Variants in TAF3 observed in about 807,000 individuals in gnomAD.
TAF3 encodes the protein TATA-box binding protein associated factor 3.
In TAF3, 7 loss-of-function variants were observed where a neutral mutation model predicts 80.6. The ratio of observed to expected loss-of-function variants is 0.09; its 90% CI spans 0.05 to 0.16. The LOEUF is 0.16. TAF3 is among the 10% of genes least tolerant of loss of function. TAF3 has a pLI of 1.00. For synonymous variants in TAF3, 444 were observed against 446.1 expected (o/e 1.00, Z 0.06); for missense variants, 921 against 1,140.2 (o/e 0.81, Z 2.77).
intron 2 of TAF3, among the ~76,000 whole-genome samples, chr10:7,850,708 C>T (rs974850982): frequency 3.3e-5 from 5 of 151,486 alleles, no homozygotes; most frequent in Non-Finnish European, 7.4e-5. Context: ...TATATATATA[C>T]ACACACATAC....
intron 2 of TAF3, among the ~76,000 whole-genome samples, chr10:7,961,336 A>ATG (rs1838188011): frequency 6.6e-6 from 1 of 152,166 alleles, no homozygotes; most frequent in African/African-American, 2.4e-5. Context: ...GATGTTCTTT[A>ATG]TGATTTACTA....
chr10:7,940,961 A>G (rs1837970541), intron 2 of TAF3, among the ~76,000 whole-genome samples: 1 of 152,126 alleles, frequency 6.6e-6, no homozygotes, highest in African/African-American at 2.4e-5. Flanking sequence ...CCTGTCTCAA[A>G]AAAGAAAAAA....
chr10:7,820,256 T>C (rs1380545691), intron 1 of TAF3, among the ~76,000 whole-genome samples: 2 of 152,234 alleles, frequency 1.3e-5, no homozygotes, highest in Non-Finnish European at 2.9e-5. Flanking sequence ...ATTTCTTTTA[T>C]ATTATTTGTC....
Position 8,000,359 on chromosome 10 carries a change from C to T in TAF3, c.2316-8719C>T, listed in dbSNP as rs113671562. 7.2e-3 allele frequency among the ~76,000 whole-genome samples: 1,101 copies of T among 152,198 alleles called. 16 individuals carry two copies. The highest frequency in any genetic ancestry group is 0.025 in the African/African-American group (1,048 of 41,532). On this transcript the variant is annotated intron_variant, in intron 4 of 6. Transcript: ENST00000344293. ...CTCGAACTCCCAACCTCAGGTGATC[C>T]GCCTGTGTTGGCCTCCCAAAGTGCT...
At chr10:7,936,558 T>C (rs926232153) in intron 2 of TAF3, among the ~76,000 whole-genome samples, 1 of 151,912 alleles carries the variant, frequency 6.6e-6, no homozygotes, top group Admixed American at 6.6e-5. Context: ...CCCAGTAAAA[T>C]TGAACAGAAA....
In TAF3 at chr10:7,977,399, A is replaced by G. The variant is rs1831683933; in HGVS notation, c.2315+76A>G. The G allele has an allele frequency of 3.5e-6, 5 of 1,412,622 alleles. No individual in the cohort carries two copies. The South Asian group carries it at 6.0e-5, about 17-fold the overall frequency. 87.5% of individuals were successfully genotyped at this position (1,412,622 alleles called of 1,614,324 possible). ...TCTACTCTTTCCTAAGGGACTTAGA[A>G]TTCCACAAGCTTCTCCCAGGTATGA... On this transcript the variant is annotated intron_variant, in intron 4 of 6. Transcript: ENST00000344293.
At position 7,829,068 on chromosome 10, in the gene TAF3, C is replaced by T. The variant is rs1031693100; in HGVS notation, c.409+4508C>T. Reference sequence around the variant, plus strand: ...AAAAAAAAAAAAAAAGGAATATAAACCATGTACCCTGACTTATTGCAGGAA... The same window carrying T: ...AAAAAAAAAAAAAAAGGAATATAAATCATGTACCCTGACTTATTGCAGGAA... On this transcript the variant is annotated intron_variant, in intron 2 of 6. Transcript: ENST00000344293. Among the ~76,000 whole-genome samples, 7 of 141,624 alleles carry T rather than the reference C, an allele frequency of 4.9e-5. No individual in the cohort carries two copies. The East Asian group carries it at 1.4e-3, about 29-fold the overall frequency. The allele number at this position is 141,624 out of a possible 152,430, so 92.9% of individuals were successfully genotyped here.
At chr10:7,839,984 A>G (rs1453999855) in intron 2 of TAF3, among the ~76,000 whole-genome samples, 1 of 152,230 alleles carries the variant, frequency 6.6e-6, no homozygotes, top group East Asian at 1.9e-4. Context: ...TGCCTTTCAA[A>G]AAGGTTTTTC....
chr10:7,824,613 A>T (rs1244472), intron 2 of TAF3, 53 bp downstream of exon 2: 570,157 of 1,576,782 alleles, frequency 0.36, 104,007 homozygotes, highest in South Asian at 0.43. Flanking sequence ...TGGATTTTTA[A>T]TCCTCTTAGC....
chr10:7,988,121 AAC>A (rs1269067333), intron 4 of TAF3, among the ~76,000 whole-genome samples: 1 of 152,148 alleles, frequency 6.6e-6, no homozygotes, highest in Non-Finnish European at 1.5e-5. Context: ...AATTTTTAAA[AAC>A]AGTTTTTAAG....
rs1832032260 is a variant in TAF3 at position 8,009,475 on chromosome 10, G to A, written c.2568+145G>A. On this transcript the variant is annotated intron_variant, in intron 5 of 6. Transcript: ENST00000344293. The surrounding 1 kb of genome is among the most constrained non-coding windows in gnomAD (Gnocchi z 4.1). ...ATTATTTTTGAGACAGGGTCTCCCTGTGTGGCTCAGGCTGGAGTACAGTGG... is the reference window on the plus strand; with the variant it reads ...ATTATTTTTGAGACAGGGTCTCCCTATGTGGCTCAGGCTGGAGTACAGTGG... 8.0e-7 allele frequency: 1 copy of A among 1,250,826 alleles called. No individual in the cohort carries two copies. Among genetic ancestry groups the A allele is most frequent in the African/African-American group, 1.6e-5 (1 of 61,990 alleles). 77.5% of individuals were successfully genotyped at this position (1,250,826 alleles called of 1,614,324 possible).
intron 2 of TAF3, among the ~76,000 whole-genome samples, chr10:7,856,994 G>T (rs1013579040): frequency 1.3e-5 from 2 of 152,026 alleles, no homozygotes; most frequent in African/African-American, 4.8e-5. Context: ...GTAGCCAACT[G>T]ATTCTCAGAG....
At chr10:7,973,698 T>G (rs180947902) in intron 3 of TAF3, among the ~76,000 whole-genome samples, 1 of 152,340 alleles carries the variant, frequency 6.6e-6, no homozygotes, top group African/African-American at 2.4e-5. Context: ...AGGTAGCTTG[T>G]AAATGTTTGT....
intron 4 of TAF3, among the ~76,000 whole-genome samples, chr10:7,998,850 GAAAAA>G (rs769484891): frequency 1.0e-4 from 15 of 147,320 alleles, no homozygotes; most frequent in African/African-American, 3.2e-4. Flanking sequence ...AAAAAAAAAA[GAAAAA>G]AAAAGAAAGA....
intron 2 of TAF3, among the ~76,000 whole-genome samples, chr10:7,858,878 A>C (rs756686597): frequency 6.6e-6 from 1 of 152,106 alleles, no homozygotes; most frequent in African/African-American, 2.4e-5. Flanking sequence ...GTGTGTGCAT[A>C]TGAACATGTG....
Position 7,890,582 on chromosome 10 carries a change from T to G in TAF3, c.409+66022T>G, listed in dbSNP as rs187619854. 3.5e-3 allele frequency among the ~76,000 whole-genome samples: 533 copies of G among 152,368 alleles called. 3 individuals carry two copies. The highest frequency in any genetic ancestry group is 5.9e-3 in the Admixed American group (90 of 15,310). On this transcript the variant is annotated intron_variant, in intron 2 of 6. Transcript: ENST00000344293. ...ATCTTTTCAGTACAGTCAAGACTCTTTCTGTGAGTGTTGATTGTCTGATTA... is the reference window on the plus strand; with the variant it reads ...ATCTTTTCAGTACAGTCAAGACTCTGTCTGTGAGTGTTGATTGTCTGATTA...
At chr10:7,891,961 A>G (rs888493931) in intron 2 of TAF3, among the ~76,000 whole-genome samples, 1 of 152,240 alleles carries the variant, frequency 6.6e-6, no homozygotes, top group Non-Finnish European at 1.5e-5. Flanking sequence ...ATGTATATAA[A>G]TTGTAACAGT....
At chr10:7,919,653 C>T (rs1442950384) in intron 2 of TAF3, among the ~76,000 whole-genome samples, 3 of 152,068 alleles carry the variant, frequency 2.0e-5, no homozygotes, top group African/African-American at 4.8e-5. Flanking sequence ...TTTCATATAA[C>T]CTACATATAA....
In TAF3 at chr10:7,964,658, C is replaced by A. The variant is rs750108079; in HGVS notation, c.1148C>A (p.Ala383Glu). 1.2e-6 allele frequency: 2 copies of A among 1,614,034 alleles called. No homozygotes were observed. The highest frequency in any genetic ancestry group is 1.7e-6 in the Non-Finnish European group (2 of 1,180,016). The stretch of plus-strand genomic sequence containing the variant: ...AATCAGCCGAAAAAGGCTGTGGTAG[C>A]AGATAAAACGATTGAGGCCTCTATC... ...SENQPKKAVVADKTIEASIDA... is the reference protein window; with the variant it reads ...SENQPKKAVVEDKTIEASIDA... Residue 383 changes from alanine to glutamate, a missense_variant, in exon 3 of 7, where the codon GCA (alanine) becomes GAA (glutamate). Transcript: ENST00000344293. The surrounding 1 kb of genome is among the most constrained non-coding windows in gnomAD (Gnocchi z 4.1).
Sources: gnomAD v4.1 joint callset for allele counts (sites outside exome capture counted in the v4.1 genomes callset) on GRCh38, gnomAD v4.1.1 for gene constraint, Gnocchi (gnomAD v3.1) non-coding constraint, MANE v1.5 for transcripts, NCBI Gene and HGNC (gene_info 2026-07-23, HGNC 2026-07-21) for gene names.